The following CNST variants were observed in gnomAD, a reference collection of about 807,000 sequenced individuals.
The protein encoded by CNST is consortin.
CNST carries 39 observed loss-of-function variants against 72.4 expected under a neutral mutation model. That is an observed-to-expected ratio of 0.54 (90% CI 0.42 to 0.70). The LOEUF (loss-of-function observed/expected upper bound fraction) is 0.70. Ranked by LOEUF, CNST falls within the 30% of genes least tolerant of loss-of-function variation. CNST has a pLI of 0.00. For missense variants in CNST, 871 were observed against 868.5 expected, an observed-to-expected ratio of 1.00 and a Z score of -0.04; for synonymous variants, 332 against 320.1, an observed-to-expected ratio of 1.04 and a Z score of -0.40.
At chr1:246,650,954 A>G (rs1666416127) in intron 9 of CNST, among the ~76,000 whole-genome samples, 1 of 152,174 alleles carries the variant, frequency 6.6e-6, no homozygotes, top group South Asian at 2.1e-4. Context: ...CTGGGATTAC[A>G]GGCTTGAGCT....
At chr1:246,644,740 C>G (rs1473539086) in intron 8 of CNST, among the ~76,000 whole-genome samples, 1 of 152,242 alleles carries the variant, frequency 6.6e-6, no homozygotes, top group Non-Finnish European at 1.5e-5. Context: ...TTCACAGTGC[C>G]TGTGGGACTG....
chr1:246,652,738 C>T (rs1227236895), intron 9 of CNST, among the ~76,000 whole-genome samples: 1 of 151,956 alleles, frequency 6.6e-6, no homozygotes, highest in Non-Finnish European at 1.5e-5. Flanking sequence ...GGCACAGTGG[C>T]TCACGCCTGT....
chr1:246,634,404 G>GT lies in CNST; in HGVS notation c.704-66dup, dbSNP rs1352074457. 1.3e-4 allele frequency: 109 copies of GT among 859,832 alleles called. 1 individual carries two copies. Among genetic ancestry groups the GT allele is most frequent in the South Asian group, 1.2e-3 (69 of 56,600 alleles). The allele number at this position is 859,832 out of a possible 1,614,324, so 53.3% of individuals were successfully genotyped here. On this transcript the variant is annotated intron_variant, in intron 5 of 10. Coordinates refer to ENST00000366513, the MANE Select transcript of CNST (RefSeq NM_152609.3). ...TCTTTATGAGTGGTGCTAGTTAACT[G>GT]TTTGTTTGTTTTTTTGCTCCTAAAT...
chr1:246,623,325 T>C (rs1409407668), intron 3 of CNST, among the ~76,000 whole-genome samples: 1 of 152,138 alleles, frequency 6.6e-6, no homozygotes, highest in Non-Finnish European at 1.5e-5. Flanking sequence ...AATGTGAAAA[T>C]AAAATAGAAA....
intron 1 of CNST, among the ~76,000 whole-genome samples, chr1:246,585,516 G>A (rs1458522076): frequency 1.3e-5 from 2 of 151,432 alleles, no homozygotes; most frequent in African/African-American, 2.4e-5. Context: ...GCGTAGTGGT[G>A]CATGCCTGTA....
chr1:246,633,947 C>T lies in CNST; in HGVS notation c.640C>T (p.Gln214Ter). 1.9e-6 allele frequency: 3 copies of T among 1,611,886 alleles called. No homozygotes were observed. The highest frequency in any genetic ancestry group is 1.7e-6 in the Non-Finnish European group (2 of 1,178,002). The change falls in exon 5 of 11, where the codon CAG becomes TAG. Residue 214 changes from glutamine (Q) to a stop codon, truncating the protein, a stop_gained. Transcript: ENST00000366513. LOFTEE classifies it high-confidence loss of function. ...AGATGAGAAAGCAATGAAATTCATT[C>T]AGCTAGAACGATTGTATCATGAGCA... is the stretch of plus-strand genomic sequence containing the variant. ...EDYEKAMKFI[Q>*]LERLYHEQLL...
chr1:246,621,120 A>G (rs530008048), intron 2 of CNST, among the ~76,000 whole-genome samples: 97 of 152,330 alleles, frequency 6.4e-4, no homozygotes, highest in Non-Finnish European at 1.0e-3. Flanking sequence ...GCATTTATTT[A>G]TTAGTGATTT....
chr1:246,598,373 T>A (rs1662030604), intron 2 of CNST, among the ~76,000 whole-genome samples: 1 of 152,148 alleles, frequency 6.6e-6, no homozygotes, highest in African/African-American at 2.4e-5. Context: ...CCATTTTACT[T>A]CTTTTGTCAG....
intron 1 of CNST, among the ~76,000 whole-genome samples, chr1:246,588,614 G>A (rs976971738): frequency 2.6e-5 from 4 of 152,084 alleles, no homozygotes; most frequent in Non-Finnish European, 5.9e-5. Flanking sequence ...TTGTGGTCTA[G>A]TAACCACATT....
intron 8 of CNST, among the ~76,000 whole-genome samples, chr1:246,644,388 CAAAAAAAAAAAA>C (rs58278885): frequency 2.0e-5 from 2 of 102,186 alleles, no homozygotes; most frequent in Non-Finnish European, 3.9e-5. Context: ...ACTCTGTCTC[CAAAAAAAAAAAA>C]AAAAAAAAAA....
At position 246,566,648 on chromosome 1, in the gene CNST, C is replaced by T. The variant is rs759757041; in HGVS notation, c.-67C>T. 198 of 401,066 alleles carry T rather than the reference C, an allele frequency of 4.9e-4. No homozygotes were observed. The highest frequency in any genetic ancestry group is 5.9e-4 in the Non-Finnish European group (135 of 227,302). 24.8% of individuals were successfully genotyped at this position (401,066 alleles called of 1,614,324 possible). A position where few individuals can be genotyped will look rare whatever the true frequency, so the allele number is the denominator to read the frequency against. On this transcript the variant is annotated 5_prime_UTR_variant, in exon 1 of 11. Transcript: ENST00000366513. ...CGGCGCCCAGCGGTAGCCCTCCTTG[C>T]GCCTCCGATTCCCAGGTGAGGAGAG...
In CNST at chr1:246,590,738, G is replaced by A. The variant is rs548967931; in HGVS notation, c.-51-774G>A. Among the ~76,000 whole-genome samples the A allele has an allele frequency of 8.6e-5, 13 of 152,034 alleles. No homozygotes were observed. The South Asian group carries it at 2.7e-3, about 32-fold the overall frequency. ...TTGTAGATAATAAGAGGAAATAAAA[G>A]ATGACTGATAAAGGGCTTGCAGTCT... is the stretch of plus-strand genomic sequence containing the variant. On this transcript the variant is annotated intron_variant, in intron 1 of 10. Transcript: ENST00000366513.
chr1:246,645,055 T>C (rs1292366438), intron 8 of CNST, among the ~76,000 whole-genome samples: 1 of 152,162 alleles, frequency 6.6e-6, no homozygotes, highest in East Asian at 1.9e-4. Flanking sequence ...GGTGACCCCT[T>C]CTTCCTTCTC....
At chr1:246,629,018 T>C (rs76334931) in intron 3 of CNST, among the ~76,000 whole-genome samples, 4,468 of 152,308 alleles carry the variant, frequency 0.029, 216 homozygotes, top group African/African-American at 0.1. Flanking sequence ...CTGTTTTTTT[T>C]ATTTGTATTT....
chr1:246,617,332 C>G (rs1009820288), intron 2 of CNST, among the ~76,000 whole-genome samples: 1 of 152,160 alleles, frequency 6.6e-6, no homozygotes, highest in Admixed American at 6.5e-5. Context: ...TCTTATAACT[C>G]CTATTATTCA....
chr1:246,585,619 C>G (rs1427162676), intron 1 of CNST, among the ~76,000 whole-genome samples: 2 of 141,250 alleles, frequency 1.4e-5, no homozygotes, highest in Admixed American at 7.5e-5. Flanking sequence ...GCCTTCCAGC[C>G]TGGGCAACAG....
intron 3 of CNST, among the ~76,000 whole-genome samples, chr1:246,628,381 G>A (rs1018130511): frequency 6.6e-6 from 1 of 152,166 alleles, no homozygotes; most frequent in African/African-American, 2.4e-5. Flanking sequence ...TAAGGTATTC[G>A]AGTGTGAGAA....
chr1:246,646,259 G>A (rs548648474), intron 8 of CNST, among the ~76,000 whole-genome samples: 47 of 115,018 alleles, frequency 4.1e-4, no homozygotes, highest in Middle Eastern at 9.6e-3. Flanking sequence ...CAGCCTGGGT[G>A]ACAGAGCGAA....
chr1:246,631,973 C>T, intron 4 of CNST, 49 bp downstream of exon 4: 2 of 1,095,820 alleles, frequency 1.8e-6, no homozygotes, highest in Non-Finnish European at 2.7e-6. Flanking sequence ...TCTTACAGAA[C>T]CATTCATTTT....
Sources: allele counts gnomAD v4.1 joint callset (sites outside exome capture counted in the v4.1 genomes callset), GRCh38; gene constraint gnomAD v4.1.1; transcripts MANE v1.5; gene names NCBI Gene and HGNC (gene_info 2026-07-23, HGNC 2026-07-21).